LRMDA: variants seen among roughly 807,000 people sequenced by gnomAD.
The protein encoded by LRMDA is leucine rich melanocyte differentiation associated.
LRMDA carries 18 observed loss-of-function variants against 29.8 expected under a neutral mutation model. That is an observed-to-expected ratio of 0.60 (90% CI 0.42 to 0.90). LRMDA has a LOEUF of 0.90. Among genes scored for constraint, LRMDA ranks in the 40% least tolerant of loss-of-function variants. The probability of loss-of-function intolerance (pLI) is 0.00; values close to 1 mark genes in which losing one functional copy is unlikely to be tolerated. For missense variants in LRMDA, 273 were observed against 273.9 expected, an observed-to-expected ratio of 1.00 and a Z score of 0.02; for synonymous variants, 125 against 109.4, an observed-to-expected ratio of 1.14 and a Z score of -0.89.
intron 2 of LRMDA, among the ~76,000 whole-genome samples, chr10:75,444,485 A>G (rs575094850): frequency 6.6e-6 from 1 of 152,356 alleles, no homozygotes; most frequent in African/African-American, 2.4e-5. Context: ...CAAGTCAGCC[A>G]TAGTGACTGT....
intron 2 of LRMDA, among the ~76,000 whole-genome samples, chr10:75,560,824 G>T (rs1357784328): frequency 6.6e-6 from 1 of 152,058 alleles, no homozygotes; most frequent in Non-Finnish European, 1.5e-5. Flanking sequence ...CTGTTTATAT[G>T]CTGGATTACA....
chr10:75,456,974 C>A (rs991875548), intron 2 of LRMDA, among the ~76,000 whole-genome samples: 1 of 152,082 alleles, frequency 6.6e-6, no homozygotes, highest in East Asian at 1.9e-4. Context: ...CCTCACGTGG[C>A]GGTAAAATGG....
At chr10:76,511,064 T>G (rs1266252493) in intron 6 of LRMDA, among the ~76,000 whole-genome samples, 1 of 152,248 alleles carries the variant, frequency 6.6e-6, no homozygotes, top group Non-Finnish European at 1.5e-5. Context: ...TTTTGCTATT[T>G]GTCTTCAAGT....
At position 76,373,723 on chromosome 10, in the gene LRMDA, G is replaced by T. The variant is rs541106581; in HGVS notation, c.601+49238G>T. On this transcript the variant is annotated intron_variant, in intron 6 of 6. Transcript: ENST00000611255. ...GATCATAACTTCCCAGGCTATCCTA[G>T]CATAGCCTATCCCATCTATCCCCTC... Among the ~76,000 whole-genome samples the T allele has an allele frequency of 3.3e-5, 5 of 152,164 alleles. No homozygotes were observed. In the South Asian group the frequency reaches 1.0e-3, roughly 32 times the overall value.
chr10:76,082,718 A>G (rs1395889892), intron 5 of LRMDA, among the ~76,000 whole-genome samples: 1 of 152,196 alleles, frequency 6.6e-6, no homozygotes, highest in Non-Finnish European at 1.5e-5. Context: ...ATGTGGGGTT[A>G]TAGGAACCCT....
chr10:76,518,313 ATCT>A (rs1344714046), intron 6 of LRMDA, among the ~76,000 whole-genome samples: 1 of 151,178 alleles, frequency 6.6e-6, no homozygotes. Context: ...CTATCTATCT[ATCT>A]ATCTATCTAT....
At position 75,890,996 on chromosome 10, in the gene LRMDA, C is replaced by T. The variant is rs377572450; in HGVS notation, c.132-145012C>T. Among the ~76,000 whole-genome samples, 14 of 151,908 alleles carry T rather than the reference C, an allele frequency of 9.2e-5. No homozygotes were observed. In the East Asian group the frequency reaches 1.2e-3, roughly 13 times the overall value. On this transcript the variant is annotated intron_variant, in intron 2 of 6. Coordinates refer to ENST00000611255, the MANE Select transcript of LRMDA (RefSeq NM_001305581.2). ...GCATATGCCTGTAATCCCAGCTACT[C>T]GGGAGGCTGAGGCAGGAGAATTGCC...
At chr10:76,394,350 A>G (rs1214646887) in intron 6 of LRMDA, among the ~76,000 whole-genome samples, 1 of 152,086 alleles carries the variant, frequency 6.6e-6, no homozygotes, top group Non-Finnish European at 1.5e-5. Context: ...GTTCTGTATT[A>G]CTCTCATCTT....
chr10:76,361,779 A>C (rs1052910149), intron 6 of LRMDA, among the ~76,000 whole-genome samples: 3 of 152,172 alleles, frequency 2.0e-5, no homozygotes, highest in African/African-American at 7.2e-5. Context: ...TGATGAGGTT[A>C]TGACTATTAT....
chr10:76,111,873 A>G (rs1411835330), intron 5 of LRMDA, among the ~76,000 whole-genome samples: 1 of 151,994 alleles, frequency 6.6e-6, no homozygotes. Context: ...TTAAATTAGA[A>G]CCACGTTGGG....
chr10:76,210,986 A>G (rs545206655), intron 5 of LRMDA, among the ~76,000 whole-genome samples: 1 of 152,310 alleles, frequency 6.6e-6, no homozygotes, highest in South Asian at 2.1e-4. Context: ...TTTAACCTCT[A>G]ACTCACCCAC....
chr10:76,135,384 A>G (rs908607158), intron 5 of LRMDA, among the ~76,000 whole-genome samples: 4 of 152,240 alleles, frequency 2.6e-5, no homozygotes, highest in Admixed American at 6.5e-5. Context: ...CCTATGCACC[A>G]CAATGAATGG....
intron 2 of LRMDA, among the ~76,000 whole-genome samples, chr10:75,617,304 T>C (rs183965312): frequency 6.6e-6 from 1 of 152,240 alleles, no homozygotes; most frequent in East Asian, 1.9e-4. Context: ...AGGTTTCCCA[T>C]TTACAACCTC....
At chr10:76,285,354 G>A (rs1840258829) in intron 5 of LRMDA, among the ~76,000 whole-genome samples, 1 of 152,024 alleles carries the variant, frequency 6.6e-6, no homozygotes, top group Non-Finnish European at 1.5e-5. Context: ...GAGGGAGGGG[G>A]CAGTAAGGCC....
At chr10:75,914,037 T>G (rs1315033657) in intron 2 of LRMDA, among the ~76,000 whole-genome samples, 1 of 152,164 alleles carries the variant, frequency 6.6e-6, no homozygotes, top group African/African-American at 2.4e-5. Context: ...CTGTGTTTCC[T>G]CGGAAATGCT....
chr10:76,479,183 T>G (rs1842711426), intron 6 of LRMDA, among the ~76,000 whole-genome samples: 1 of 151,978 alleles, frequency 6.6e-6, no homozygotes, highest in East Asian at 1.9e-4. Context: ...ATATTTGCTT[T>G]TTCCTACCAA....
intron 5 of LRMDA, among the ~76,000 whole-genome samples, chr10:76,224,185 A>G (rs1242504169): frequency 6.6e-6 from 1 of 152,012 alleles, no homozygotes; most frequent in African/African-American, 2.4e-5. Flanking sequence ...AAAATTATTA[A>G]TATATTTAAA....
intron 6 of LRMDA, among the ~76,000 whole-genome samples, chr10:76,365,107 T>TATATATATATATACAC (rs141131236): frequency 0.011 from 678 of 61,114 alleles, 29 homozygotes; most frequent in African/African-American, 0.028. Context: ...TATATATATA[T>TATATATATATATACAC]ACACACACAC....
chr10:75,823,294 C>T (rs1416745346), intron 2 of LRMDA, among the ~76,000 whole-genome samples: 2 of 152,070 alleles, frequency 1.3e-5, no homozygotes, highest in African/African-American at 4.8e-5. Context: ...AAAAAGTGGG[C>T]AAAGGACACG....
Sources: gnomAD v4.1 joint callset for allele counts (sites outside exome capture counted in the v4.1 genomes callset) on GRCh38, gnomAD v4.1.1 for gene constraint, MANE v1.5 for transcripts, NCBI Gene and HGNC (gene_info 2026-07-23, HGNC 2026-07-21) for gene names.